IQSEC1: variants seen among roughly 807,000 people sequenced by gnomAD.
IQSEC1 encodes IQ motif and Sec7 domain ArfGEF 1.
IQSEC1 carries 31 observed loss-of-function variants against 91.0 expected under a neutral mutation model. That is an observed-to-expected ratio of 0.34 (90% CI 0.26 to 0.46). IQSEC1 has a LOEUF of 0.46. Among genes scored for constraint, IQSEC1 ranks in the 20% least tolerant of loss-of-function variants. IQSEC1 has a pLI of 1.00. For missense variants in IQSEC1, 1,388 were observed against 1,575.6 expected, an observed-to-expected ratio of 0.88 and a Z score of 2.02; for synonymous variants, 699 against 662.6, an observed-to-expected ratio of 1.05 and a Z score of -0.84.
chr3:13,017,416 T>C (rs1455237426), intron 1 of IQSEC1, among the ~76,000 whole-genome samples: 1 of 152,176 alleles, frequency 6.6e-6, no homozygotes, highest in Non-Finnish European at 1.5e-5. Context: ...GAAAGCCTCT[T>C]CCCATGTGTC....
At chr3:12,926,863 G>C (rs554924630) in intron 3 of IQSEC1, among the ~76,000 whole-genome samples, 1 of 152,334 alleles carries the variant, frequency 6.6e-6, no homozygotes, top group African/African-American at 2.4e-5. Context: ...ACACCCGTAA[G>C]CTTGTCCCCA....
intron 1 of IQSEC1, among the ~76,000 whole-genome samples, chr3:13,265,076 T>C (rs952119405): frequency 6.6e-6 from 1 of 152,190 alleles, no homozygotes; most frequent in Non-Finnish European, 1.5e-5. Flanking sequence ...TTCCAGCCCC[T>C]GAGAAGTGAC....
chr3:12,941,535 C>T (rs754553312), intron 2 of IQSEC1, 36 bp downstream of exon 2: 2 of 1,508,216 alleles, frequency 1.3e-6, no homozygotes, highest in Non-Finnish European at 1.8e-6. Flanking sequence ...CTGCCCTGCG[C>T]TTGCATGTGT....
At chr3:13,159,670 G>A (rs1466016998) in intron 2 of IQSEC1, among the ~76,000 whole-genome samples, 1 of 152,184 alleles carries the variant, frequency 6.6e-6, no homozygotes. Context: ...TCTCTTACAA[G>A]GGTGCGGGTG....
chr3:13,267,627 T>TA (rs1695516247), intron 1 of IQSEC1, among the ~76,000 whole-genome samples: 1 of 150,952 alleles, frequency 6.6e-6, no homozygotes, highest in Admixed American at 6.6e-5. Flanking sequence ...TTTTCTTTTT[T>TA]TTTTTTTTTA....
rs75452121 is a variant in IQSEC1 at position 13,024,175 on chromosome 3, C to T, written c.23+48817G>A. Reference sequence around the variant, plus strand: ...CTTTTGTGGGTGGAAGTAGCCTCTGCTTACCCGCTTTATCTCTACCCACTG... The same window carrying T: ...CTTTTGTGGGTGGAAGTAGCCTCTGTTTACCCGCTTTATCTCTACCCACTG... On this transcript the variant is annotated intron_variant, in intron 1 of 13. Coordinates refer to ENST00000613206, the MANE Select transcript of IQSEC1 (RefSeq NM_001134382.3). Among the ~76,000 whole-genome samples the T allele has an allele frequency of 8.7e-3, 1,326 of 152,332 alleles. 16 individuals carry two copies. Among genetic ancestry groups the T allele is most frequent in the African/African-American group, 0.031 (1,271 of 41,566 alleles).
At chr3:12,996,135 T>C (rs1702219375) in intron 1 of IQSEC1, among the ~76,000 whole-genome samples, 1 of 152,194 alleles carries the variant, frequency 6.6e-6, no homozygotes, top group Admixed American at 6.5e-5. Flanking sequence ...CACTCCAGCC[T>C]GGGCAACAGA....
intron 1 of IQSEC1, among the ~76,000 whole-genome samples, chr3:13,219,438 G>A (rs558061289): frequency 5.0e-4 from 76 of 152,320 alleles, no homozygotes; most frequent in African/African-American, 1.7e-3. Flanking sequence ...ATATTTCTGG[G>A]GCCCTGGTGG....
chr3:13,146,486 A>G (rs1373100690), intron 2 of IQSEC1, among the ~76,000 whole-genome samples: 66 of 152,216 alleles, frequency 4.3e-4, no homozygotes, highest in Non-Finnish European at 1.9e-4. Flanking sequence ...GATGACCCCC[A>G]TAAAACCTCA....
At chr3:13,165,655 C>T (rs1298537550) in intron 1 of IQSEC1, among the ~76,000 whole-genome samples, 3 of 151,246 alleles carry the variant, frequency 2.0e-5, no homozygotes, top group Middle Eastern at 3.4e-3. Context: ...CTGTGAGCAG[C>T]CCCTCTGGAA....
chr3:12,937,841 A>G (rs1055097506), intron 2 of IQSEC1, among the ~76,000 whole-genome samples: 14 of 152,208 alleles, frequency 9.2e-5, no homozygotes, highest in African/African-American at 3.4e-4. Context: ...CATACTCAAG[A>G]GGCCTTCAGG....
intron 1 of IQSEC1, among the ~76,000 whole-genome samples, chr3:13,239,681 T>C (rs1576306645): frequency 6.6e-6 from 1 of 152,254 alleles, no homozygotes; most frequent in African/African-American, 2.4e-5. Context: ...CCACAGGGGT[T>C]CCCAGCCGTG....
In IQSEC1 at chr3:13,072,998, C is replaced by T. The variant is rs1367530213; in HGVS notation, c.17G>A (p.Arg6His). 1.3e-5 allele frequency: 20 copies of T among 1,551,626 alleles called. No individual in the cohort carries two copies. The highest frequency in any genetic ancestry group is 2.0e-5 in the Admixed American group (1 of 51,010). ...ACCTGCCACATATACTCACAAATAG[C>T]GTCTTCTGCAAGCCATCCTGTGTGA... MACRR[R>H]YFVEGEAPSS... The change falls in exon 1 of 14, where the codon CGC becomes CAC. Residue 6 changes from arginine to histidine, a missense_variant. Physicochemically the swap from Arg to His is conservative, Grantham distance 29. Around this residue, in one of 2 missense-constraint regions of IQSEC1, gnomAD observed 1,059 missense variants for 1,317.8 expected, o/e 0.80. Transcript: ENST00000613206.
In IQSEC1 at chr3:13,211,508, T is replaced by C. The variant is rs1432971558; in HGVS notation, c.273-47375A>G. 6.6e-6 allele frequency among the ~76,000 whole-genome samples: 1 copy of C among 150,454 alleles called. No homozygotes were observed. The highest frequency in any genetic ancestry group is 6.6e-5 in the Admixed American group (1 of 15,136). On this transcript the variant is annotated intron_variant, in intron 1 of 15. Transcript: ENST00000648114. The surrounding 1 kb of genome is among the most constrained non-coding windows in gnomAD (Gnocchi z 5.3). ...GGCTCTTCAGGCATCCACCCCCAAG[T>C]CCCCTTTTGGGAGCAGTGTCTTCAG...
chr3:13,071,143 G>T (rs1705402711), intron 1 of IQSEC1, among the ~76,000 whole-genome samples: 2 of 112,740 alleles, frequency 1.8e-5, no homozygotes, highest in Non-Finnish European at 3.8e-5. Flanking sequence ...GACCCACACA[G>T]TTTTTTTTTG....
At chr3:13,116,818 A>C (rs1706343233) in intron 2 of IQSEC1, among the ~76,000 whole-genome samples, 1 of 152,100 alleles carries the variant, frequency 6.6e-6, no homozygotes, top group East Asian at 1.9e-4. Context: ...ACAAATAAAC[A>C]AACAAAAAAA....
intron 1 of IQSEC1, among the ~76,000 whole-genome samples, chr3:13,181,266 G>A (rs1046690624): frequency 2.3e-4 from 35 of 152,140 alleles, no homozygotes; most frequent in South Asian, 1.2e-3. Context: ...GCGAGACTCC[G>A]TCTCAAACAA....
intron 2 of IQSEC1, among the ~76,000 whole-genome samples, chr3:13,149,235 C>T (rs1706949966): frequency 6.6e-6 from 1 of 152,202 alleles, no homozygotes; most frequent in African/African-American, 2.4e-5. Flanking sequence ...CTGTTTGACC[C>T]ATTCACAGTG....
chr3:13,112,807 G>C (rs1349093205), intron 2 of IQSEC1, among the ~76,000 whole-genome samples: 1 of 152,234 alleles, frequency 6.6e-6, no homozygotes, highest in African/African-American at 2.4e-5. Flanking sequence ...GACACACGGA[G>C]GAGGAAGCCT....
Sources: gnomAD v4.1 joint callset for allele counts (sites outside exome capture counted in the v4.1 genomes callset) on GRCh38, gnomAD v4.1.1 for gene constraint, gnomAD v4.1.1 regional missense constraint, Gnocchi (gnomAD v3.1) non-coding constraint, MANE v1.5 for transcripts, NCBI Gene and HGNC (gene_info 2026-07-23, HGNC 2026-07-21) for gene names.